The following GAA variants were observed in gnomAD, a reference collection of about 807,000 sequenced individuals.
The protein encoded by GAA is alpha glucosidase.
In GAA, 88 loss-of-function variants were observed where a neutral mutation model predicts 103.9. The ratio of observed to expected loss-of-function variants is 0.85; its 90% CI spans 0.71 to 1.01. GAA has a LOEUF of 1.01. Ranked by LOEUF, GAA falls within the 50% of genes least tolerant of loss-of-function variation. The pLI is 0.00. For missense variants in GAA, 1,350 were observed against 1,305.3 expected, an observed-to-expected ratio of 1.03 and a Z score of -0.53; for synonymous variants, 572 against 563.1, an observed-to-expected ratio of 1.02 and a Z score of -0.22.
Position 80,119,643 on chromosome 17 carries a change from C to T in GAA, c.*312C>T, listed in dbSNP as rs1050249312. On this transcript the variant is annotated 3_prime_UTR_variant, in exon 20 of 20. Coordinates refer to ENST00000302262, the MANE Select transcript of GAA (RefSeq NM_000152.5). ...GGCATGCGGGTAGTATTAGCCACCC[C>T]CCTCCATCTGTTCCCAGCACCGGAG... 5.1e-6 allele frequency: 2 copies of T among 391,386 alleles called. No individual in the cohort carries two copies. Among genetic ancestry groups the T allele is most frequent in the South Asian group, 2.1e-5 (1 of 46,836 alleles). 24.2% of individuals were successfully genotyped at this position (391,386 alleles called of 1,614,324 possible). A position where few individuals can be genotyped will look rare whatever the true frequency, so the allele number is the denominator to read the frequency against.
At position 80,101,660 on chromosome 17, in the gene GAA, C is replaced by G. The variant is rs1473604588; in HGVS notation, c.-263C>G. On this transcript the variant is annotated 5_prime_UTR_variant, in exon 1 of 20. Coordinates refer to ENST00000302262, the MANE Select transcript of GAA (RefSeq NM_000152.5). ...GCCGGGGCTGCGGGGCTTCCCTGAG[C>G]GCGGGCCGGGTCGGTGGGGCGGTCG... The G allele has an allele frequency of 3.3e-5, 5 of 151,714 alleles. No homozygotes were observed. The highest frequency in any genetic ancestry group is 1.5e-5 in the Non-Finnish European group (1 of 67,908). 9.4% of individuals were successfully genotyped at this position (151,714 alleles called of 1,614,324 possible). A position where few individuals can be genotyped will look rare whatever the true frequency, so the allele number is the denominator to read the frequency against.
At position 80,118,739 on chromosome 17, in the gene GAA, G is replaced by A. The variant is rs770812649; in HGVS notation, c.2733G>A (p.Thr911=). 9 of 1,613,354 alleles carry A rather than the reference G, an allele frequency of 5.6e-6. No individual in the cohort carries two copies. Among genetic ancestry groups the A allele is most frequent in the Admixed American group, 5.0e-5 (3 of 60,020 alleles). The part of the protein sequence containing the change: ...LQKVTVLGVA[T]APQQVLSNGV... ...AGGTGACTGTCCTGGGCGTGGCCACGGCGCCCCAGCAGGTCCTCTCCAACG... is the reference window on the plus strand; with the variant it reads ...AGGTGACTGTCCTGGGCGTGGCCACAGCGCCCCAGCAGGTCCTCTCCAACG... Residue 911 remains threonine, a synonymous_variant, in exon 19 of 20, where the codon ACG becomes ACA. Coordinates refer to ENST00000302262, the MANE Select transcript of GAA (RefSeq NM_000152.5).
At chr17:80,117,781 T>C (rs1320141431) in intron 17 of GAA, 32 bp downstream of exon 17, 1 of 1,589,282 alleles carries the variant, frequency 6.3e-7, no homozygotes, top group African/African-American at 1.3e-5. Flanking sequence ...GGTGGGGGTG[T>C]GGACAGCACA....
At position 80,117,016 on chromosome 17, in the gene GAA, G is replaced by C. The variant is rs1800312; in HGVS notation, c.2238G>C (p.Trp746Cys). 771 of 1,613,692 alleles carry C rather than the reference G, an allele frequency of 4.8e-4. No individual in the cohort carries two copies. The highest frequency in any genetic ancestry group is 6.1e-4 in the Non-Finnish European group (717 of 1,180,022). ...GGACTGTGGACCACCAGCTCCTGTGGGGGGAGGCCCTGCTCATCACCCCAG... is the reference window on the plus strand; with the variant it reads ...GGACTGTGGACCACCAGCTCCTGTGCGGGGAGGCCCTGCTCATCACCCCAG... Reference protein sequence around the residue: ...STWTVDHQLLWGEALLITPVL... With the variant: ...STWTVDHQLLCGEALLITPVL... The change falls in exon 16 of 20, where the codon TGG becomes TGC. Residue 746 changes from tryptophan (W) to cysteine (C), a missense_variant. By Grantham distance (215) the Trp-to-Cys change is radical. Transcript: ENST00000302262.
At position 80,108,983 on chromosome 17, in the gene GAA, C is replaced by T. The variant is rs577327592; in HGVS notation, c.1326+155C>T. Among the ~76,000 whole-genome samples, 74 of 152,310 alleles carry T rather than the reference C, an allele frequency of 4.9e-4. No homozygotes were observed. The South Asian group carries it at 6.4e-3, about 13-fold the overall frequency. On this transcript the variant is annotated intron_variant, in intron 8 of 19. Transcript: ENST00000302262. ...GAGGGAATATCAAGAAGTTTGCAGG[C>T]TTGGCCCCAGCTGTCCAGGGAGGTC...
chr17:80,108,226 G>T, intron 5 of GAA, 64 bp from the exon 6 acceptor site: 1 of 1,612,442 alleles, frequency 6.2e-7, no homozygotes, highest in South Asian at 1.1e-5. Flanking sequence ...TGGCCCATCT[G>T]TGGGGTGCAG....
chr17:80,102,541 A>C (rs1277631074), intron 1 of GAA: 2 of 152,272 alleles, frequency 1.3e-5, no homozygotes, highest in Non-Finnish European at 2.9e-5. Context: ...CCATGCCTGC[A>C]CAATGGAACC....
intron 15 of GAA, among the ~76,000 whole-genome samples, chr17:80,116,004 G>A (rs1234358899): frequency 6.6e-6 from 1 of 152,108 alleles, no homozygotes; most frequent in African/African-American, 2.4e-5. Context: ...GCAAACCCTT[G>A]GTTAGTTTCA....
intron 3 of GAA, among the ~76,000 whole-genome samples, chr17:80,106,827 C>G (rs991479479): frequency 6.6e-6 from 1 of 152,186 alleles, no homozygotes; most frequent in African/African-American, 2.4e-5. Context: ...GAGGCTGAGG[C>G]AAGAGGATCC....
Position 80,107,891 on chromosome 17 carries a change from C to A in GAA, c.950C>A (p.Ala317Asp). 6.2e-7 allele frequency: 1 copy of A among 1,609,564 alleles called. No individual in the cohort carries two copies. Among genetic ancestry groups the A allele is most frequent in the Non-Finnish European group, 8.5e-7 (1 of 1,179,032 alleles). ...AHGVFLLNSN[A>D]MDVVLQPSPA... ...GGGGTGTTCCTGCTAAACAGCAATG[C>A]CATGGGTAAGCTGCCCGCCGCCCAG... The change falls in exon 5 of 20, where the codon GCC becomes GAC. Residue 317 changes from alanine (A) to aspartate (D), a missense_variant. Transcript: ENST00000302262.
At chr17:80,116,898 CAG>C (rs969394249) in intron 15 of GAA, 68 bp from the exon 16 acceptor site, 3 of 1,570,762 alleles carry the variant, frequency 1.9e-6, no homozygotes, top group African/African-American at 2.7e-5. Context: ...TGTGCCTCCC[CAG>C]GGTGGGCATA....
chr17:80,117,075 A>G lies in GAA; in HGVS notation c.2297A>G (p.Tyr766Cys), dbSNP rs144016984. 17 of 1,613,182 alleles carry G rather than the reference A, an allele frequency of 1.1e-5. No homozygotes were observed. The highest frequency in any genetic ancestry group is 2.2e-5 in the East Asian group (1 of 44,894). The change falls in exon 16 of 20, where the codon TAC becomes TGC. Residue 766 changes from tyrosine to cysteine, a missense_variant. Coordinates refer to ENST00000302262, the MANE Select transcript of GAA (RefSeq NM_000152.5). ...LQAGKAEVTG[Y>C]FPLGTWYDLQ... ...GCCGGGAAGGCCGAAGTGACTGGCT[A>G]CTTCCCCTTGGGCACATGGTACGAC...
Position 80,107,644 on chromosome 17 carries a change from C to T in GAA, c.780C>T (p.Leu260=), listed in dbSNP as rs372614893. The change falls in exon 4 of 20, where the codon CTC becomes CTT. Residue 260 remains leucine, a synonymous_variant. Coordinates refer to ENST00000302262, the MANE Select transcript of GAA (RefSeq NM_000152.5). ...TGCCCTCGCAGTATATCACAGGCCT[C>T]GCCGAGCACCTCAGTCCCCTGATGC... The part of the protein sequence containing the change: ...TSLPSQYITG[L]AEHLSPLMLS... The T allele has an allele frequency of 1.9e-5, 30 of 1,612,976 alleles. No individual in the cohort carries two copies. The highest frequency in any genetic ancestry group is 2.3e-5 in the Non-Finnish European group (27 of 1,179,884).
At chr17:80,110,664 T>G in intron 9 of GAA, 63 bp from the exon 10 acceptor site, 2 of 1,420,222 alleles carry the variant, frequency 1.4e-6, no homozygotes, top group Non-Finnish European at 2.0e-6. Context: ...TGAGGCTCAG[T>G]GGGGCTTCCA....
At chr17:80,112,453 C>T (rs1004058484) in intron 12 of GAA, 125 bp from the exon 13 acceptor site, 3 of 1,235,488 alleles carry the variant, frequency 2.4e-6, no homozygotes, top group East Asian at 2.5e-5. Context: ...GTAGCCTCGC[C>T]GTCCTCCTCC....
chr17:80,118,414 G>T, intron 18 of GAA, 57 bp downstream of exon 18: 15 of 1,558,292 alleles, frequency 9.6e-6, no homozygotes, highest in Non-Finnish European at 1.3e-5. Context: ...GTTGAGAAGG[G>T]GTGAGGGGAC....
rs1275702351 is a variant in GAA at position 80,104,667 on chromosome 17, G to A, written c.81G>A (p.Leu27=). The part of the protein sequence containing the change: ...ALVSLATAAL[L]GHILLHDFLL... ...TGTCCTTGGCAACCGCTGCACTCCT[G>A]GGGCACATCCTACTCCATGATTTCC... Residue 27 remains leucine, a synonymous_variant, in exon 2 of 20, where the codon CTG becomes CTA. Transcript: ENST00000302262. This position sits in a 1 kb window ranked among gnomAD's most constrained non-coding sequence, Gnocchi z 4.0. 13 of 1,613,212 alleles carry A rather than the reference G, an allele frequency of 8.1e-6. No homozygotes were observed. The Admixed American group carries it at 2.2e-4, about 27-fold the overall frequency.
rs770240317 is a variant in GAA, at chr17:80,117,756, G to A, written c.2481+7G>A. On this transcript the variant is annotated splice_region_variant and intron_variant, in intron 17 of 19. Coordinates refer to ENST00000302262, the MANE Select transcript of GAA (RefSeq NM_000152.5). Reference sequence around the variant, plus strand: ...GTACATCATCCCCCTGCAGGTACCTGGGCCAGGCGGCTATGGTGGGGGTGT... The same window carrying A: ...GTACATCATCCCCCTGCAGGTACCTAGGCCAGGCGGCTATGGTGGGGGTGT... 2 of 1,604,908 alleles carry A rather than the reference G, an allele frequency of 1.2e-6. No individual in the cohort carries two copies. The highest frequency in any genetic ancestry group is 1.7e-6 in the Non-Finnish European group (2 of 1,177,474).
intron 12 of GAA, chr17:80,112,373 G>T (rs911077295): frequency 2.1e-5 from 14 of 677,634 alleles, no homozygotes; most frequent in Admixed American, 1.3e-4. Flanking sequence ...GTGAGGCTGG[G>T]GGGGGTCCTG....
Sources: allele counts gnomAD v4.1 joint callset (sites outside exome capture counted in the v4.1 genomes callset), GRCh38; gene constraint gnomAD v4.1.1; non-coding constraint Gnocchi (gnomAD v3.1); transcripts MANE v1.5; gene names NCBI Gene and HGNC (gene_info 2026-07-23, HGNC 2026-07-21).